The following ANO4 variants were observed in gnomAD, a reference collection of about 807,000 sequenced individuals.
ANO4 encodes the protein anoctamin-4.
In ANO4, 69 loss-of-function variants were observed where a neutral mutation model predicts 141.9. That is an observed-to-expected ratio of 0.49 (90% CI 0.40 to 0.59). The LOEUF (loss-of-function observed/expected upper bound fraction) is 0.59. Ranked by LOEUF, ANO4 falls within the 20% of genes least tolerant of loss-of-function variation. ANO4 has a pLI of 0.00. For missense variants in ANO4, 894 were observed against 1,162.2 expected (o/e 0.77, Z 3.36); for synonymous variants, 350 against 394.3 (o/e 0.89, Z 1.33).
At chr12:101,090,971 A>G (rs990633303) in intron 17 of ANO4, among the ~76,000 whole-genome samples, 1 of 152,170 alleles carries the variant, frequency 6.6e-6, no homozygotes, top group Non-Finnish European at 1.5e-5. Flanking sequence ...GTAGTTGCTG[A>G]TGTTACAAAG....
intron 22 of ANO4, among the ~76,000 whole-genome samples, chr12:101,103,181 TTTTATATATATATATATATA>T (rs747000072): frequency 0.13 from 12,041 of 90,628 alleles, 1,486 homozygotes; most frequent in East Asian, 0.17. Context: ...TTTTTAGTCA[TTTTATATATATATATATATA>T]TATATATATA....
At chr12:100,901,863 G>A (rs756255921) in intron 2 of ANO4, 23 bp downstream of exon 2, 16 of 1,572,362 alleles carry the variant, frequency 1.0e-5, no homozygotes, top group South Asian at 3.5e-5. Flanking sequence ...GAAGTTCAAC[G>A]GGGACCCATT....
chr12:101,043,301 G>A (rs2047484433), intron 12 of ANO4, among the ~76,000 whole-genome samples: 4 of 152,204 alleles, frequency 2.6e-5, no homozygotes, highest in Admixed American at 2.6e-4. Context: ...TTGGCTTCAT[G>A]TATTTTCCTG....
chr12:100,805,176 G>C (rs553428312), intron 1 of ANO4, among the ~76,000 whole-genome samples: 2 of 152,290 alleles, frequency 1.3e-5, no homozygotes, highest in South Asian at 4.1e-4. Context: ...TGGCTAGCCA[G>C]TTCTCCCAGC....
intron 14 of ANO4, among the ~76,000 whole-genome samples, chr12:101,054,475 C>A (rs1216539981): frequency 6.6e-6 from 1 of 152,156 alleles, no homozygotes; most frequent in East Asian, 1.9e-4. Context: ...ATGGAAGCAT[C>A]ACCATAATGA....
intron 1 of ANO4, among the ~76,000 whole-genome samples, chr12:100,809,969 G>T (rs1378170224): frequency 6.6e-6 from 1 of 152,140 alleles, no homozygotes; most frequent in Non-Finnish European, 1.5e-5. Context: ...TCACCTGTAT[G>T]CTAGGCTCTG....
Position 100,939,447 on chromosome 12 carries a change from G to T in ANO4, c.293G>T (p.Gly98Val), listed in dbSNP as rs1171974133. Residue 98 changes from glycine (G) to valine (V), a missense_variant, in exon 4 of 28, where the codon GGA becomes GTA. Around this residue, in one of 2 missense-constraint regions of ANO4, gnomAD observed 257 missense variants for 253.0 expected, o/e 1.02. Transcript: ENST00000392977. ...SDDASRLEAG[G>V]ETVPERNKSN... ...GATGCCAGCAGATTGGAAGCCGGGG[G>T]AGAGGTAAGAGTATATGATTTCTTA... 5 of 1,613,270 alleles carry T rather than the reference G, an allele frequency of 3.1e-6. No individual in the cohort carries two copies. In the South Asian group the frequency reaches 3.3e-5, roughly 11 times the overall value.
At chr12:100,735,628 G>A (rs953928734) in intron 2 of ANO4, among the ~76,000 whole-genome samples, 16 of 152,094 alleles carry the variant, frequency 1.1e-4, no homozygotes, top group East Asian at 7.7e-4. Context: ...ATGAAGAGGC[G>A]GGTCTAGGGG....
At chr12:101,066,561 C>A (rs528587862) in intron 14 of ANO4, among the ~76,000 whole-genome samples, 1 of 152,178 alleles carries the variant, frequency 6.6e-6, no homozygotes, top group Non-Finnish European at 1.5e-5. Context: ...AGCAAAAGAT[C>A]TCCACAATGA....
chr12:101,083,830 T>C lies in ANO4; in HGVS notation c.1536+12T>C. On this transcript the variant is annotated intron_variant, in intron 16 of 27. Coordinates refer to ENST00000392977, the MANE Select transcript of ANO4 (RefSeq NM_001286615.2). ...GAATATTTTTTATGGTTTGAAACTT[T>C]TAAAAAAATATTTGTTTCATAAAAT... 1.9e-6 allele frequency: 3 copies of C among 1,543,700 alleles called. No homozygotes were observed. Among genetic ancestry groups the C allele is most frequent in the Non-Finnish European group, 2.6e-6 (3 of 1,152,768 alleles).
intron 5 of ANO4, among the ~76,000 whole-genome samples, chr12:100,943,056 A>G (rs1419998442): frequency 1.3e-5 from 2 of 152,186 alleles, no homozygotes. Flanking sequence ...CCCCAAGCTC[A>G]AGAGTGCCTT....
chr12:101,089,133 A>G (rs2049635582), intron 17 of ANO4, among the ~76,000 whole-genome samples: 1 of 152,156 alleles, frequency 6.6e-6, no homozygotes, highest in Non-Finnish European at 1.5e-5. Flanking sequence ...TTATCTATGT[A>G]GCTTATCATT....
intron 5 of ANO4, among the ~76,000 whole-genome samples, chr12:100,955,281 G>A (rs927946047): frequency 2.6e-5 from 4 of 152,206 alleles, no homozygotes; most frequent in African/African-American, 7.2e-5. Flanking sequence ...GACATCAGTC[G>A]GAGCAGCACT....
intron 1 of ANO4, among the ~76,000 whole-genome samples, chr12:100,826,560 G>T (rs1211802670): frequency 6.6e-6 from 1 of 151,702 alleles, no homozygotes; most frequent in East Asian, 2.0e-4. Context: ...TGCTTGCTAG[G>T]GCCTGCTGTT....
At chr12:100,814,980 A>C (rs527772342) in intron 1 of ANO4, among the ~76,000 whole-genome samples, 1 of 152,210 alleles carries the variant, frequency 6.6e-6, no homozygotes, top group Non-Finnish European at 1.5e-5. Flanking sequence ...GTGAGATTTT[A>C]TCATGGATCA....
At chr12:100,880,452 C>T (rs566405559) in intron 1 of ANO4, among the ~76,000 whole-genome samples, 23 of 152,114 alleles carry the variant, frequency 1.5e-4, no homozygotes, top group African/African-American at 1.7e-4. Context: ...TCAAGGTCAC[C>T]GAGCAAGTCC....
intron 5 of ANO4, among the ~76,000 whole-genome samples, chr12:100,953,218 A>G (rs188345604): frequency 6.6e-6 from 1 of 152,320 alleles, no homozygotes; most frequent in East Asian, 1.9e-4. Context: ...TTGCTATGTT[A>G]TGATAAATTG....
chr12:101,006,319 ATTACTGTCAAATACACACC>A (rs2045869670), intron 8 of ANO4, among the ~76,000 whole-genome samples: 2 of 152,094 alleles, frequency 1.3e-5, no homozygotes, highest in Admixed American at 1.3e-4. Context: ...TCTAATCATC[ATTACTGTCAAATACACACC>A]TCACCATTTT....
At chr12:101,127,358 C>T (rs1486151400) in intron 27 of ANO4, among the ~76,000 whole-genome samples, 6 of 152,142 alleles carry the variant, frequency 3.9e-5, no homozygotes, top group South Asian at 2.1e-4. Flanking sequence ...TGAAACAAAG[C>T]GTCCTCTCTC....
Sources: allele counts gnomAD v4.1 joint callset (sites outside exome capture counted in the v4.1 genomes callset), GRCh38; gene constraint gnomAD v4.1.1; regional missense constraint gnomAD v4.1.1; transcripts MANE v1.5; gene names NCBI Gene and HGNC (gene_info 2026-07-23, HGNC 2026-07-21).